Variants in MICU1 observed in about 807,000 individuals in gnomAD.
MICU1 encodes mitochondrial calcium uptake 1.
In MICU1, 45 loss-of-function variants were observed where a neutral mutation model predicts 56.8. The observed-to-expected ratio is 0.79, with a 90% confidence interval of 0.62 to 1.02. MICU1 has a LOEUF of 1.02. Ranked by LOEUF, MICU1 falls within the 50% of genes least tolerant of loss-of-function variation. The pLI is 0.00. For missense variants in MICU1, 504 were observed against 587.1 expected (o/e 0.86, Z 1.46); for synonymous variants, 186 against 195.1 (o/e 0.95, Z 0.39).
intron 8 of MICU1, among the ~76,000 whole-genome samples, chr10:72,463,993 C>A (rs1589246625): frequency 6.6e-6 from 1 of 152,080 alleles, no homozygotes; most frequent in African/African-American, 2.4e-5. Context: ...TTACAATTGC[C>A]TTGTTTTGTA....
chr10:72,417,070 ATAAATAT>A (rs1345075232), intron 9 of MICU1, among the ~76,000 whole-genome samples: 5 of 152,226 alleles, frequency 3.3e-5, no homozygotes, highest in Non-Finnish European at 5.9e-5. Context: ...TGGCTGATCG[ATAAATAT>A]TGAATATAAA....
At chr10:72,525,116 T>G (rs1194603890) in intron 5 of MICU1, among the ~76,000 whole-genome samples, 1 of 151,618 alleles carries the variant, frequency 6.6e-6, no homozygotes, top group East Asian at 1.9e-4. Context: ...TCCTCCAAAA[T>G]TATGCTGCAT....
chr10:72,450,714 ATTTT>A (rs1269200310), intron 8 of MICU1, among the ~76,000 whole-genome samples: 1 of 142,616 alleles, frequency 7.0e-6, no homozygotes, highest in Non-Finnish European at 1.5e-5. Context: ...TTAAATCTTT[ATTTT>A]TTTAATTCTT....
intron 11 of MICU1, among the ~76,000 whole-genome samples, chr10:72,375,563 T>A (rs188321557): frequency 6.6e-6 from 1 of 152,342 alleles, no homozygotes; most frequent in East Asian, 1.9e-4. Context: ...ATAGGCATAT[T>A]GGAATTATAA....
intron 8 of MICU1, among the ~76,000 whole-genome samples, chr10:72,459,864 T>C (rs757360973): frequency 9.2e-5 from 14 of 152,174 alleles, no homozygotes; most frequent in Non-Finnish European, 1.6e-4. Context: ...AACCTACTTC[T>C]CCTCCTGTGT....
intron 1 of MICU1, among the ~76,000 whole-genome samples, chr10:72,610,333 A>C (rs1026989731): frequency 2.6e-5 from 4 of 152,034 alleles, no homozygotes; most frequent in Admixed American, 6.6e-5. Context: ...TAAAGAAAAA[A>C]TATATCTAGT....
intron 6 of MICU1, among the ~76,000 whole-genome samples, chr10:72,480,440 A>C (rs1320244738): frequency 6.6e-6 from 1 of 152,222 alleles, no homozygotes; most frequent in Non-Finnish European, 1.5e-5. Flanking sequence ...GAGAGGTTTA[A>C]GCTGGGATTT....
At chr10:72,444,516 C>A (rs932976718) in intron 8 of MICU1, among the ~76,000 whole-genome samples, 1 of 128,306 alleles carries the variant, frequency 7.8e-6, no homozygotes, top group Non-Finnish European at 1.6e-5. Context: ...GTGGTGCAAT[C>A]TTGGCTCACT....
intron 8 of MICU1, among the ~76,000 whole-genome samples, chr10:72,431,094 G>GTCTATCTATCTGTCTGTCTATCTA (rs1864513536): frequency 7.1e-6 from 1 of 141,316 alleles, no homozygotes; most frequent in South Asian, 2.4e-4. Flanking sequence ...TTATCTGTCT[G>GTCTATCTATCTGTCTGTCTATCTA]TCTATCTATC....
intron 1 of MICU1, among the ~76,000 whole-genome samples, chr10:72,571,295 C>T (rs1040630798): frequency 1.3e-5 from 2 of 152,056 alleles, no homozygotes; most frequent in African/African-American, 2.4e-5. Flanking sequence ...ACCGAGGAGG[C>T]GGAGGTTGTA....
chr10:72,464,557 T>C lies in MICU1; in HGVS notation c.933+10543A>G, dbSNP rs143679524. ...TACAGTAACATGCTGTATAGGTTTG[T>C]AGCGTAGAAGCAATAGGCTATACCA... On this transcript the variant is annotated intron_variant, in intron 8 of 11. Coordinates refer to ENST00000361114, the MANE Select transcript of MICU1 (RefSeq NM_001195518.2). Among the ~76,000 whole-genome samples the C allele has an allele frequency of 1.3e-3, 199 of 152,204 alleles. 1 individual carries two copies. Among genetic ancestry groups the C allele is most frequent in the African/African-American group, 4.5e-3 (188 of 41,532 alleles).
intron 6 of MICU1, among the ~76,000 whole-genome samples, chr10:72,495,555 T>C (rs923327040): frequency 1.3e-5 from 2 of 149,840 alleles, no homozygotes; most frequent in Non-Finnish European, 2.9e-5. Flanking sequence ...ACTTGGAAGC[T>C]GAGGCAGGAG....
chr10:72,454,308 G>A (rs1865388914), intron 8 of MICU1, among the ~76,000 whole-genome samples: 1 of 150,862 alleles, frequency 6.6e-6, no homozygotes, highest in Non-Finnish European at 1.5e-5. Context: ...TACAAAATTA[G>A]CCAGGTGTGG....
At chr10:72,440,256 A>G (rs1193404097) in intron 8 of MICU1, among the ~76,000 whole-genome samples, 1 of 152,174 alleles carries the variant, frequency 6.6e-6, no homozygotes, top group Non-Finnish European at 1.5e-5. Context: ...TACATCTACA[A>G]TCATCTGATC....
chr10:72,552,741 A>G (rs568481949), intron 3 of MICU1, among the ~76,000 whole-genome samples: 12 of 152,170 alleles, frequency 7.9e-5, no homozygotes, highest in Non-Finnish European at 1.6e-4. Flanking sequence ...TTTTTACTAG[A>G]GATGGTTTCA....
intron 1 of MICU1, among the ~76,000 whole-genome samples, chr10:72,568,700 T>C (rs571934258): frequency 3.0e-4 from 46 of 151,250 alleles, no homozygotes; most frequent in Admixed American, 6.6e-4. Context: ...GCCCCATCAA[T>C]AGCCAACTAA....
intron 1 of MICU1, among the ~76,000 whole-genome samples, chr10:72,577,141 C>T (rs1027630934): frequency 6.6e-6 from 1 of 151,718 alleles, no homozygotes; most frequent in African/African-American, 2.4e-5. Flanking sequence ...TATGAGGGCA[C>T]AAAGGCATAA....
intron 11 of MICU1, among the ~76,000 whole-genome samples, chr10:72,375,232 G>A (rs1011377349): frequency 2.0e-5 from 3 of 152,150 alleles, no homozygotes; most frequent in African/African-American, 7.2e-5. Context: ...GTAAGCATCC[G>A]TTGTTATTGT....
At chr10:72,583,434 C>T (rs764441771) in intron 1 of MICU1, among the ~76,000 whole-genome samples, 12 of 152,126 alleles carry the variant, frequency 7.9e-5, no homozygotes, top group Non-Finnish European at 1.6e-4. Context: ...CTGTGTACCA[C>T]CACACCTGGC....
Sources: allele counts gnomAD v4.1 joint callset (sites outside exome capture counted in the v4.1 genomes callset), GRCh38; gene constraint gnomAD v4.1.1; transcripts MANE v1.5; gene names NCBI Gene and HGNC (gene_info 2026-07-23, HGNC 2026-07-21).